The following EEF1AKMT1 variants were observed in gnomAD, a reference collection of about 807,000 sequenced individuals.
EEF1AKMT1 encodes N-6 adenine-specific DNA methyltransferase 2 (putative).
A neutral mutation model predicts 21.0 loss-of-function variants in EEF1AKMT1; 18 were observed. The observed-to-expected ratio is 0.86, with a 90% CI of 0.59 to 1.27. The LOEUF is 1.27. EEF1AKMT1 is among the 50% of genes most tolerant of loss of function. EEF1AKMT1 has a pLI of 0.00. For synonymous variants in EEF1AKMT1, 109 were observed against 94.8 expected (o/e 1.15, Z -0.87); for missense variants, 246 against 258.6 (o/e 0.95, Z 0.33).
At chr13:20,744,560 G>A (rs1279343737) in intron 2 of EEF1AKMT1, among the ~76,000 whole-genome samples, 1 of 152,132 alleles carries the variant, frequency 6.6e-6, no homozygotes, top group Non-Finnish European at 1.5e-5. Context: ...ATTTGTTTAT[G>A]TTCCTTATAG....
At chr13:20,735,804 A>G (rs747136732) in intron 3 of EEF1AKMT1, among the ~76,000 whole-genome samples, 4 of 152,210 alleles carry the variant, frequency 2.6e-5, no homozygotes, top group Non-Finnish European at 5.9e-5. Flanking sequence ...AAAAAATTCT[A>G]TAATATCCTC....
Position 20,731,989 on chromosome 13 carries a change from G to A in EEF1AKMT1, c.360C>T (p.Tyr120=), listed in dbSNP as rs760162605. ...TTTCGGGTAAGTCCAATGGATTATT[G>A]TAATCATAGAAAATAAACTCCTCTC... ...MYGEEFIFYD[Y]NNPLDLPERI... Residue 120 remains tyrosine, a synonymous_variant, in exon 4 of 5, where the codon TAC becomes TAT. Coordinates refer to ENST00000382758, the MANE Select transcript of EEF1AKMT1 (RefSeq NM_001318939.2). 10 of 1,614,078 alleles carry A rather than the reference G, an allele frequency of 6.2e-6. No homozygotes were observed. In the South Asian group the frequency reaches 6.6e-5, roughly 11 times the overall value.
intron 2 of EEF1AKMT1, among the ~76,000 whole-genome samples, chr13:20,753,975 T>C (rs571609054): frequency 6.6e-6 from 1 of 152,324 alleles, no homozygotes; most frequent in Admixed American, 6.5e-5. Flanking sequence ...TATTAATTTA[T>C]TTCTGGTTAC....
At chr13:20,730,061 C>T (rs2818988) in intron 4 of EEF1AKMT1, among the ~76,000 whole-genome samples, 62,798 of 152,198 alleles carry the variant, frequency 0.41, 14,179 homozygotes, top group East Asian at 0.76. Flanking sequence ...GGCTCCTGAC[C>T]CCTCAGGTCC....
At chr13:20,766,108 G>A (rs1268100142) in intron 1 of EEF1AKMT1, among the ~76,000 whole-genome samples, 2 of 151,306 alleles carry the variant, frequency 1.3e-5, no homozygotes, top group East Asian at 4.0e-4. Flanking sequence ...GACCAGCCTG[G>A]CCAACATGGT....
chr13:20,750,123 A>T (rs1566534026), intron 2 of EEF1AKMT1, among the ~76,000 whole-genome samples: 1 of 152,144 alleles, frequency 6.6e-6, no homozygotes, highest in Non-Finnish European at 1.5e-5. Context: ...ATATTTTGTT[A>T]CATGCACAGA....
chr13:20,761,959 G>A (rs1195393077), intron 1 of EEF1AKMT1, among the ~76,000 whole-genome samples: 8 of 152,100 alleles, frequency 5.3e-5, no homozygotes, highest in African/African-American at 1.7e-4. Context: ...AATTAGCTGA[G>A]TGTGATGGCA....
chr13:20,754,482 CTGTT>C (rs2058960268), intron 2 of EEF1AKMT1, among the ~76,000 whole-genome samples: 2 of 152,092 alleles, frequency 1.3e-5, no homozygotes, highest in African/African-American at 4.8e-5. Context: ...TGAATTTAAT[CTGTT>C]TGGGAATCTC....
chr13:20,747,462 C>CTTTTTT lies in EEF1AKMT1; in HGVS notation c.145-9663_145-9658dup, dbSNP rs60730051. ...GATCTCTGTGCCAGTTAGGCACATT[C>CTTTTTT]TTTTTTTTTTTTTTTTTTTTTGAGA... On this transcript the variant is annotated intron_variant, in intron 2 of 4. Coordinates refer to ENST00000382758, the MANE Select transcript of EEF1AKMT1 (RefSeq NM_001318939.2). 176 of 87,662 alleles carry CTTTTTT rather than the reference C, an allele frequency of 2.0e-3. 7 individuals carry two copies. The highest frequency in any genetic ancestry group is 3.0e-3 in the Non-Finnish European group (149 of 49,246). 5.4% of individuals were successfully genotyped at this position (87,662 alleles called of 1,614,324 possible). A position where few individuals can be genotyped will look rare whatever the true frequency, so the allele number is the denominator to read the frequency against.
intron 2 of EEF1AKMT1, among the ~76,000 whole-genome samples, chr13:20,749,763 C>A (rs922901919): frequency 6.6e-6 from 1 of 152,052 alleles, no homozygotes; most frequent in Non-Finnish European, 1.5e-5. Context: ...AATTTTCACT[C>A]AAAATATTGA....
intron 2 of EEF1AKMT1, among the ~76,000 whole-genome samples, chr13:20,738,459 C>G (rs1308906510): frequency 6.6e-6 from 1 of 152,202 alleles, no homozygotes; most frequent in Non-Finnish European, 1.5e-5. Context: ...CCTCTGCAAT[C>G]CTACAAACCT....
intron 2 of EEF1AKMT1, among the ~76,000 whole-genome samples, chr13:20,740,858 AATTAT>A (rs1210424626): frequency 6.6e-6 from 1 of 151,596 alleles, no homozygotes; most frequent in Non-Finnish European, 1.5e-5. Flanking sequence ...ATGGTATGTG[AATTAT>A]ATCTCAACAA....
rs1435695426 is a variant in EEF1AKMT1, at chr13:20,773,943, C to G, written c.-42G>C. 2 of 152,476 alleles carry G rather than the reference C, an allele frequency of 1.3e-5. No individual in the cohort carries two copies. Among genetic ancestry groups the G allele is most frequent in the Admixed American group, 1.3e-4 (2 of 15,296 alleles). 9.4% of individuals were successfully genotyped at this position (152,476 alleles called of 1,614,324 possible). On this transcript the variant is annotated 5_prime_UTR_variant, in exon 1 of 5. Transcript: ENST00000382758. ...CACCAGCCGCGCGTGCGCAGTCGCC[C>G]AGACTCGCCGTGTGCAGTGGGAGTG...
Position 20,731,854 on chromosome 13 carries a change from A to T in EEF1AKMT1, c.495T>A (p.Ile165=). 1 of 1,613,610 alleles carries T rather than the reference A, an allele frequency of 6.2e-7. No individual in the cohort carries two copies. The highest frequency in any genetic ancestry group is 8.5e-7 in the Non-Finnish European group (1 of 1,179,562). The change falls in exon 4 of 5, where the codon ATT becomes ATA. Residue 165 remains isoleucine (I), a synonymous_variant. Coordinates refer to ENST00000382758, the MANE Select transcript of EEF1AKMT1 (RefSeq NM_001318939.2). ...ETVKYLTRGK[I]LLCTGAIMEE... Reference sequence around the variant, plus strand: ...TGCAGCACCTACCTGTGCACAGCAGAATCTTGCCCCGCGTCAGGTACTTGA... The same window carrying T: ...TGCAGCACCTACCTGTGCACAGCAGTATCTTGCCCCGCGTCAGGTACTTGA...
intron 3 of EEF1AKMT1, among the ~76,000 whole-genome samples, chr13:20,736,964 C>G (rs1473471148): frequency 1.1e-4 from 16 of 151,742 alleles, no homozygotes; most frequent in Admixed American, 1.0e-3. Context: ...AAACTCCGAA[C>G]CTCAGGTGAT....
intron 1 of EEF1AKMT1, among the ~76,000 whole-genome samples, chr13:20,771,343 C>T (rs1165256308): frequency 6.6e-6 from 1 of 152,180 alleles, no homozygotes; most frequent in Admixed American, 6.5e-5. Context: ...AAATTGTCGC[C>T]TTTCATAGCT....
intron 2 of EEF1AKMT1, among the ~76,000 whole-genome samples, chr13:20,738,602 T>C (rs936646373): frequency 1.3e-5 from 2 of 152,058 alleles, no homozygotes; most frequent in East Asian, 1.9e-4. Flanking sequence ...CATCAACTAA[T>C]GGATAGAAAA....
intron 2 of EEF1AKMT1, among the ~76,000 whole-genome samples, chr13:20,755,290 G>A (rs2058965958): frequency 6.6e-6 from 1 of 152,216 alleles, no homozygotes; most frequent in African/African-American, 2.4e-5. Flanking sequence ...AGGGGCTGCT[G>A]GGTGTCATGG....
intron 1 of EEF1AKMT1, chr13:20,769,296 C>T (rs978281811): frequency 1.3e-5 from 2 of 152,246 alleles, no homozygotes; most frequent in Admixed American, 6.5e-5. Context: ...ACAGGAACCA[C>T]CTGTCTTTCA....
Sources: gnomAD v4.1 joint callset for allele counts (sites outside exome capture counted in the v4.1 genomes callset) on GRCh38, gnomAD v4.1.1 for gene constraint, MANE v1.5 for transcripts, NCBI Gene and HGNC (gene_info 2026-07-23, HGNC 2026-07-21) for gene names.